Variants in ANKFN1 observed in about 807,000 individuals in gnomAD.
ANKFN1 encodes ankyrin repeat and fibronectin type-III domain-containing protein 1.
A neutral mutation model predicts 108.7 loss-of-function variants in ANKFN1; 74 were observed. The ratio of observed to expected loss-of-function variants is 0.68; its 90% confidence interval spans 0.56 to 0.83. ANKFN1 has a LOEUF of 0.83. ANKFN1 is among the 40% of genes least tolerant of loss of function. The pLI is 0.00. For synonymous variants in ANKFN1, 547 were observed against 516.2 expected (o/e 1.06, Z -0.81); for missense variants, 1,505 against 1,382.3 (o/e 1.09, Z -1.41).
chr17:56,050,718 T>C (rs1904760328), intron 4 of ANKFN1, among the ~76,000 whole-genome samples: 1 of 151,798 alleles, frequency 6.6e-6, no homozygotes, highest in Admixed American at 6.6e-5. Context: ...TGCGGCGTTA[T>C]TTCTGAGGGC....
At chr17:56,502,314 T>C (rs1280860843) in intron 20 of ANKFN1, among the ~76,000 whole-genome samples, 1 of 152,190 alleles carries the variant, frequency 6.6e-6, no homozygotes, top group African/African-American at 2.4e-5. Flanking sequence ...ACTCTCACGT[T>C]GGCCTGAAGA....
intron 1 of ANKFN1, among the ~76,000 whole-genome samples, chr17:56,154,726 C>T (rs1232486750): frequency 1.3e-5 from 2 of 151,554 alleles, no homozygotes; most frequent in East Asian, 3.9e-4. Flanking sequence ...ATACAGTTTT[C>T]AATATTTTGC....
chr17:56,167,300 T>TAC (rs1567814031), intron 1 of ANKFN1, among the ~76,000 whole-genome samples: 2 of 100,848 alleles, frequency 2.0e-5, no homozygotes, highest in Admixed American at 1.1e-4. Flanking sequence ...CACACATACA[T>TAC]ATATACACAC....
chr17:56,483,179 C>G (rs1482956953), intron 18 of ANKFN1, among the ~76,000 whole-genome samples: 1 of 152,162 alleles, frequency 6.6e-6, no homozygotes, highest in African/African-American at 2.4e-5. Flanking sequence ...AAATGAATAG[C>G]CTGGGCTCCA....
intron 3 of ANKFN1, among the ~76,000 whole-genome samples, chr17:56,264,417 A>C (rs1007073433): frequency 6.6e-6 from 1 of 152,150 alleles, no homozygotes; most frequent in Non-Finnish European, 1.5e-5. Context: ...TCCCAAACTT[A>C]CAGGATTCTC....
chr17:56,235,585 C>A (rs553540070), intron 3 of ANKFN1, among the ~76,000 whole-genome samples: 1 of 152,224 alleles, frequency 6.6e-6, no homozygotes, highest in Non-Finnish European at 1.5e-5. Context: ...TAGCCTGTTA[C>A]CCCAGCACCA....
intron 3 of ANKFN1, among the ~76,000 whole-genome samples, chr17:56,286,557 C>G (rs2044221957): frequency 6.6e-6 from 1 of 152,158 alleles, no homozygotes; most frequent in Non-Finnish European, 1.5e-5. Context: ...CTAGAACACA[C>G]CCATACATGG....
At chr17:56,398,730 G>A (rs972159462) in intron 8 of ANKFN1, among the ~76,000 whole-genome samples, 2 of 152,092 alleles carry the variant, frequency 1.3e-5, no homozygotes, top group Admixed American at 6.6e-5. Context: ...CAAGAGACAA[G>A]TCATTACTCT....
chr17:56,385,567 C>T (rs1264650720), intron 8 of ANKFN1, among the ~76,000 whole-genome samples: 1 of 152,174 alleles, frequency 6.6e-6, no homozygotes, highest in Non-Finnish European at 1.5e-5. Context: ...TCACAACCTA[C>T]TCATCTGACA....
intron 4 of ANKFN1, 132 bp from the exon 5 acceptor site, chr17:56,350,634 G>A: frequency 4.8e-6 from 4 of 828,714 alleles, no homozygotes; most frequent in Non-Finnish European, 7.4e-6. Context: ...AGCTGGGTCT[G>A]ATAATCTCTA....
At chr17:56,140,318 C>T (rs1043279481) in intron 4 of ANKFN1, among the ~76,000 whole-genome samples, 5 of 152,132 alleles carry the variant, frequency 3.3e-5, no homozygotes, top group Non-Finnish European at 5.9e-5. Context: ...ATTTCCTAAG[C>T]CAAGTGTGGG....
chr17:56,143,656 G>A (rs1218340837), intron 4 of ANKFN1, among the ~76,000 whole-genome samples: 1 of 152,220 alleles, frequency 6.6e-6, no homozygotes, highest in Non-Finnish European at 1.5e-5. Flanking sequence ...ATATAATTAA[G>A]TCAAGGGTCT....
intron 1 of ANKFN1, among the ~76,000 whole-genome samples, chr17:56,166,965 A>C (rs1038836466): frequency 5.9e-5 from 9 of 152,100 alleles, no homozygotes; most frequent in African/African-American, 2.2e-4. Flanking sequence ...GAATCTCTTT[A>C]ATTATTGGAT....
intron 2 of ANKFN1, among the ~76,000 whole-genome samples, chr17:56,220,390 A>G (rs1388943094): frequency 6.6e-6 from 1 of 152,210 alleles, no homozygotes; most frequent in African/African-American, 2.4e-5. Context: ...GCGGTGGCTC[A>G]CGCCTGTAAT....
intron 1 of ANKFN1, among the ~76,000 whole-genome samples, chr17:56,198,996 G>A (rs927158959): frequency 6.6e-6 from 1 of 152,028 alleles, no homozygotes; most frequent in South Asian, 2.1e-4. Flanking sequence ...AGGAGTTCTG[G>A]ATATATTCCA....
At chr17:56,432,517 G>A (rs1290947347) in intron 8 of ANKFN1, among the ~76,000 whole-genome samples, 1 of 152,198 alleles carries the variant, frequency 6.6e-6, no homozygotes, top group Non-Finnish European at 1.5e-5. Context: ...CCCTGGTATG[G>A]CCTGCCATCC....
At chr17:56,074,216 G>C (rs1905154445) in intron 4 of ANKFN1, among the ~76,000 whole-genome samples, 1 of 152,212 alleles carries the variant, frequency 6.6e-6, no homozygotes, top group African/African-American at 2.4e-5. Context: ...AAGAGGCACT[G>C]ACTAGACAGG....
Position 56,283,781 on chromosome 17 carries a change from G to C in ANKFN1, c.54-42440G>C, listed in dbSNP as rs557774420. Among the ~76,000 whole-genome samples, 8 of 151,896 alleles carry C rather than the reference G, an allele frequency of 5.3e-5. No homozygotes were observed. In the East Asian group the frequency reaches 1.4e-3, roughly 26 times the overall value. On this transcript the variant is annotated intron_variant, in intron 3 of 20. Transcript: ENST00000682825. ...GTGAGGGATAAAACTCTACAAATTGGGTTCCGTGTACACTGCTCAGGTGAT... is the reference window on the plus strand; with the variant it reads ...GTGAGGGATAAAACTCTACAAATTGCGTTCCGTGTACACTGCTCAGGTGAT...
intron 4 of ANKFN1, among the ~76,000 whole-genome samples, chr17:56,065,249 T>G (rs1372815100): frequency 6.6e-6 from 1 of 152,208 alleles, no homozygotes; most frequent in Non-Finnish European, 1.5e-5. Context: ...TTCACAGAAT[T>G]GAAGAGAGTT....
Sources: gnomAD v4.1 joint callset for allele counts (sites outside exome capture counted in the v4.1 genomes callset) on GRCh38, gnomAD v4.1.1 for gene constraint, MANE v1.5 for transcripts, NCBI Gene and HGNC (gene_info 2026-07-23, HGNC 2026-07-21) for gene names.